Variants in TRPC4 observed in about 807,000 individuals in gnomAD.
The protein encoded by TRPC4 is short transient receptor potential channel 4.
In TRPC4, 49 loss-of-function variants were observed where a neutral mutation model predicts 99.4. The ratio of observed to expected loss-of-function variants is 0.49; its 90% CI spans 0.39 to 0.63. The LOEUF is 0.63. Among genes scored for constraint, TRPC4 ranks in the 20% least tolerant of loss-of-function variants. The pLI, the probability that TRPC4 is intolerant of heterozygous loss-of-function variation, is 0.00. For synonymous variants in TRPC4, 454 were observed against 425.9 expected (o/e 1.07, Z -0.81); for missense variants, 898 against 1,152.9 (o/e 0.78, Z 3.20).
At chr13:37,693,404 G>A (rs1223158097) in intron 3 of TRPC4, among the ~76,000 whole-genome samples, 1 of 152,142 alleles carries the variant, frequency 6.6e-6, no homozygotes, top group Non-Finnish European at 1.5e-5. Flanking sequence ...TCTGATTGAA[G>A]GAGAAGTGTA....
chr13:37,707,947 A>G (rs1421959228), intron 3 of TRPC4, among the ~76,000 whole-genome samples: 1 of 152,106 alleles, frequency 6.6e-6, no homozygotes, highest in Non-Finnish European at 1.5e-5. Context: ...TTCACTTTGG[A>G]CATCTTCTTG....
At position 37,791,644 on chromosome 13, in the gene TRPC4, A is replaced by T. The variant is rs116237083; in HGVS notation, c.-27-8284T>A. ...TGATCCAGTGGAAGGAACCAATGAA[A>T]ATTAGCAAACATAATAATTATAAAT... On this transcript the variant is annotated intron_variant, in intron 1 of 10. Transcript: ENST00000379705. Among the ~76,000 whole-genome samples the T allele has an allele frequency of 2.1e-3, 321 of 152,268 alleles. 2 individuals are homozygous for T. Among genetic ancestry groups the T allele is most frequent in the African/African-American group, 7.4e-3 (309 of 41,550 alleles).
At chr13:37,765,706 T>A (rs1247549704) in intron 2 of TRPC4, among the ~76,000 whole-genome samples, 2 of 151,572 alleles carry the variant, frequency 1.3e-5, no homozygotes, top group Admixed American at 1.3e-4. Context: ...TCCAAAAGGA[T>A]TCAGTTCCAA....
At chr13:37,796,648 C>T (rs1044635595) in intron 1 of TRPC4, among the ~76,000 whole-genome samples, 2 of 151,982 alleles carry the variant, frequency 1.3e-5, no homozygotes, top group African/African-American at 4.8e-5. Context: ...TACCTCAGAT[C>T]TGAAGCTTGT....
intron 6 of TRPC4, among the ~76,000 whole-genome samples, chr13:37,661,432 G>A (rs1398564841): frequency 6.6e-6 from 1 of 152,214 alleles, no homozygotes; most frequent in African/African-American, 2.4e-5. Flanking sequence ...GGTGAGAAGG[G>A]TTGGGTCTGG....
chr13:37,643,722 ATGAATCCAG>A (rs1419871646), intron 8 of TRPC4, among the ~76,000 whole-genome samples: 1 of 152,174 alleles, frequency 6.6e-6, no homozygotes, highest in Non-Finnish European at 1.5e-5. Context: ...CAGATGGCAC[ATGAATCCAG>A]TGGTTACTAG....
At chr13:37,841,314 G>A (rs1220085225) in intron 1 of TRPC4, among the ~76,000 whole-genome samples, 1 of 151,834 alleles carries the variant, frequency 6.6e-6, no homozygotes, top group East Asian at 1.9e-4. Flanking sequence ...GCAAAAACCT[G>A]ATTTTCTTTC....
intron 6 of TRPC4, among the ~76,000 whole-genome samples, chr13:37,656,331 T>C (rs1045182537): frequency 3.3e-5 from 5 of 152,178 alleles, no homozygotes; most frequent in Non-Finnish European, 5.9e-5. Flanking sequence ...GAAAACCTTC[T>C]CATACACGGC....
intron 1 of TRPC4, among the ~76,000 whole-genome samples, chr13:37,837,432 A>G (rs1958596783): frequency 6.6e-6 from 1 of 152,262 alleles, no homozygotes; most frequent in Non-Finnish European, 1.5e-5. Flanking sequence ...GCTGCCCAAG[A>G]CCATGGGAAC....
At chr13:37,729,300 A>G (rs555466416) in intron 3 of TRPC4, among the ~76,000 whole-genome samples, 2 of 152,198 alleles carry the variant, frequency 1.3e-5, no homozygotes, top group African/African-American at 4.8e-5. Context: ...ACTCGTTAGG[A>G]TGGCCACTGT....
At chr13:37,790,151 A>T (rs1161309102) in intron 1 of TRPC4, among the ~76,000 whole-genome samples, 1 of 152,176 alleles carries the variant, frequency 6.6e-6, no homozygotes, top group African/African-American at 2.4e-5. Context: ...ATAGAAATAG[A>T]GAATAGAAAC....
At chr13:37,778,927 G>A (rs1189096295) in intron 2 of TRPC4, among the ~76,000 whole-genome samples, 1 of 151,940 alleles carries the variant, frequency 6.6e-6, no homozygotes, top group African/African-American at 2.4e-5. Flanking sequence ...GGTTCTCAAA[G>A]CACTGTTGCT....
chr13:37,797,075 G>C (rs1957277118), intron 1 of TRPC4, among the ~76,000 whole-genome samples: 1 of 151,266 alleles, frequency 6.6e-6, no homozygotes, highest in African/African-American at 2.4e-5. Context: ...AGCACTTCGA[G>C]AGACTGACAC....
At chr13:37,836,195 A>C (rs1229449251) in intron 1 of TRPC4, among the ~76,000 whole-genome samples, 1 of 152,184 alleles carries the variant, frequency 6.6e-6, no homozygotes, top group African/African-American at 2.4e-5. Flanking sequence ...TAAGTCCATT[A>C]AACCTCTTTC....
intron 1 of TRPC4, among the ~76,000 whole-genome samples, chr13:37,789,985 A>T (rs1490539566): frequency 6.6e-6 from 1 of 152,138 alleles, no homozygotes; most frequent in Non-Finnish European, 1.5e-5. Context: ...AGAATAAAAC[A>T]TGCATATTAA....
intron 1 of TRPC4, among the ~76,000 whole-genome samples, chr13:37,830,609 G>T (rs929851421): frequency 6.6e-6 from 1 of 151,384 alleles, no homozygotes; most frequent in Non-Finnish European, 1.5e-5. Flanking sequence ...ATACTCAGGA[G>T]GCTGAGGCAC....
intron 8 of TRPC4, 95 bp from the exon 9 acceptor site, chr13:37,639,394 A>G (rs1056732039): frequency 7.4e-7 from 1 of 1,345,622 alleles, no homozygotes; most frequent in Admixed American, 2.1e-5. Flanking sequence ...TTTTATTCTT[A>G]TTTCTTCAAA....
At chr13:37,684,794 T>TACAC (rs57132536) in intron 4 of TRPC4, among the ~76,000 whole-genome samples, 4,776 of 140,678 alleles carry the variant, frequency 0.034, 82 homozygotes, top group South Asian at 0.045. Flanking sequence ...GAGTACCCCT[T>TACAC]ACACACACAC....
At chr13:37,663,261 C>T (rs1952513709) in intron 6 of TRPC4, among the ~76,000 whole-genome samples, 155 bp downstream of exon 6, 1 of 152,142 alleles carries the variant, frequency 6.6e-6, no homozygotes, top group Non-Finnish European at 1.5e-5. Flanking sequence ...GTTTTCATTT[C>T]TATTCAAAGC....
Sources: allele counts gnomAD v4.1 joint callset (sites outside exome capture counted in the v4.1 genomes callset), GRCh38; gene constraint gnomAD v4.1.1; transcripts MANE v1.5; gene names NCBI Gene and HGNC (gene_info 2026-07-23, HGNC 2026-07-21).